RNF130: variants seen among roughly 807,000 people sequenced by gnomAD.
RNF130 encodes the protein E3 ubiquitin-protein ligase RNF130.
RNF130 carries 21 observed loss-of-function variants against 44.6 expected under a neutral mutation model. The ratio of observed to expected loss-of-function variants is 0.47; its 90% CI spans 0.33 to 0.68. The LOEUF (loss-of-function observed/expected upper bound fraction) is 0.68, where lower values mean the gene tolerates loss of function less well. RNF130 is among the 30% of genes least tolerant of loss of function. The probability of loss-of-function intolerance (pLI) is 0.02; values close to 1 mark genes in which losing one functional copy is unlikely to be tolerated. For missense variants in RNF130, 479 were observed against 560.6 expected (o/e 0.85, Z 1.47); for synonymous variants, 214 against 210.4 (o/e 1.02, Z -0.15).
At chr5:179,971,830 G>A (rs1762593774) in intron 5 of RNF130, among the ~76,000 whole-genome samples, 2 of 152,200 alleles carry the variant, frequency 1.3e-5, no homozygotes, top group African/African-American at 4.8e-5. Flanking sequence ...ACTGGGATCT[G>A]GAACAAACAT....
At chr5:180,024,572 T>G (rs565903598) in intron 2 of RNF130, among the ~76,000 whole-genome samples, 1 of 152,146 alleles carries the variant, frequency 6.6e-6, no homozygotes, top group South Asian at 2.1e-4. Flanking sequence ...ACACAAAAAT[T>G]TATACCTGTC....
intron 2 of RNF130, among the ~76,000 whole-genome samples, chr5:180,022,518 A>G (rs1304468250): frequency 1.3e-5 from 2 of 152,232 alleles, no homozygotes; most frequent in Non-Finnish European, 2.9e-5. Flanking sequence ...TTCAGTATCA[A>G]GAGTAGCATG....
At chr5:179,968,685 A>G (rs1762509094) in intron 6 of RNF130, among the ~76,000 whole-genome samples, 1 of 151,818 alleles carries the variant, frequency 6.6e-6, no homozygotes, top group African/African-American at 2.4e-5. Context: ...AAAAAAAAAA[A>G]AAAGAGAGAA....
intron 7 of RNF130, among the ~76,000 whole-genome samples, chr5:179,928,698 G>C (rs1379784886): frequency 6.6e-6 from 1 of 150,814 alleles, no homozygotes; most frequent in South Asian, 2.1e-4. Context: ...GTGCGATCTC[G>C]GCTCACTGCA....
intron 1 of RNF130, among the ~76,000 whole-genome samples, chr5:180,049,733 A>C: frequency 6.6e-6 from 1 of 152,240 alleles, no homozygotes; most frequent in African/African-American, 2.4e-5. Flanking sequence ...GTCTATTTGC[A>C]TATGTATATG....
At chr5:179,974,875 G>A (rs1042313058) in intron 5 of RNF130, among the ~76,000 whole-genome samples, 1 of 152,262 alleles carries the variant, frequency 6.6e-6, no homozygotes, top group Non-Finnish European at 1.5e-5. Context: ...GCAGCAGACG[G>A]CCTCTCCGGC....
intron 8 of RNF130, among the ~76,000 whole-genome samples, chr5:179,957,016 G>GT (rs1194604548): frequency 3.3e-5 from 5 of 152,200 alleles, no homozygotes; most frequent in Non-Finnish European, 7.3e-5. Flanking sequence ...CCTATTTAAG[G>GT]TAACACATTT....
At chr5:179,921,922 G>C (rs1380832807) in intron 7 of RNF130, among the ~76,000 whole-genome samples, 1 of 151,880 alleles carries the variant, frequency 6.6e-6, no homozygotes, top group Non-Finnish European at 1.5e-5. Context: ...TCGGGAGGCT[G>C]AGGCAGGAGA....
chr5:179,952,521 A>G (rs1463266170), downstream of RNF130, among the ~76,000 whole-genome samples: 1 of 152,204 alleles, frequency 6.6e-6, no homozygotes, highest in Non-Finnish European at 1.5e-5. Context: ...TTACAATAAT[A>G]CCAAGGTCAG....
intron 7 of RNF130, among the ~76,000 whole-genome samples, chr5:179,939,111 G>T (rs914972813): frequency 3.3e-5 from 5 of 152,222 alleles, no homozygotes; most frequent in South Asian, 2.1e-4. Flanking sequence ...CAGCTGCTTG[G>T]GGGGCTGAGG....
At chr5:179,978,391 G>T in intron 4 of RNF130, 106 bp from the exon 5 acceptor site, 2 of 729,810 alleles carry the variant, frequency 2.7e-6, no homozygotes, top group Non-Finnish European at 2.3e-6. Flanking sequence ...GTAAGCAAGT[G>T]TTATAAACTG....
intron 3 of RNF130, among the ~76,000 whole-genome samples, chr5:179,992,142 T>C (rs1763096724): frequency 6.6e-6 from 1 of 152,150 alleles, no homozygotes; most frequent in Non-Finnish European, 1.5e-5. Context: ...TAAATCATTG[T>C]TTTTTGCTTT....
intron 2 of RNF130, among the ~76,000 whole-genome samples, chr5:180,023,147 T>C (rs1422521227): frequency 6.6e-6 from 1 of 152,240 alleles, no homozygotes; most frequent in Non-Finnish European, 1.5e-5. Context: ...CAATGATCCA[T>C]GTGGCAATAT....
chr5:180,046,759 T>C lies in RNF130; in HGVS notation c.248-6112A>G, dbSNP rs1764576159. 3.3e-5 allele frequency among the ~76,000 whole-genome samples: 5 copies of C among 150,250 alleles called. No homozygotes were observed. In the South Asian group the frequency reaches 1.0e-3, roughly 31 times the overall value. On this transcript the variant is annotated intron_variant, in intron 1 of 8. Coordinates refer to ENST00000521389, the MANE Select transcript of RNF130 (RefSeq NM_018434.6). Reference sequence around the variant, plus strand: ...TCTCCAGAACGCTTTCCCAGCCTCCTAAGACTGAGTTGGGTGCTTTTTTCA... The same window carrying C: ...TCTCCAGAACGCTTTCCCAGCCTCCCAAGACTGAGTTGGGTGCTTTTTTCA...
intron 7 of RNF130, among the ~76,000 whole-genome samples, chr5:179,935,284 A>G (rs1015804280): frequency 2.6e-5 from 4 of 152,334 alleles, no homozygotes; most frequent in African/African-American, 7.2e-5. Context: ...CATCCAGCAT[A>G]TAAGTCTATC....
At chr5:179,913,020 A>G (rs1246589597) in exon 8 of RNF130, 2 of 152,358 alleles carry the variant, frequency 1.3e-5, no homozygotes, top group African/African-American at 4.8e-5. Context: ...CCAGGCCACC[A>G]TGTGCCGCCA....
At chr5:179,946,156 G>A (rs1762033991) in intron 7 of RNF130, among the ~76,000 whole-genome samples, 1 of 152,180 alleles carries the variant, frequency 6.6e-6, no homozygotes, top group South Asian at 2.1e-4. Context: ...CTACAGTTAC[G>A]GTAAGTATGT....
At chr5:180,038,669 T>C (rs1327701824) in intron 2 of RNF130, among the ~76,000 whole-genome samples, 2 of 152,180 alleles carry the variant, frequency 1.3e-5, no homozygotes, top group Non-Finnish European at 2.9e-5. Context: ...AAATGCTGCA[T>C]TGATACAGGC....
chr5:180,027,974 C>A (rs1443196568), intron 2 of RNF130, among the ~76,000 whole-genome samples: 1 of 152,212 alleles, frequency 6.6e-6, no homozygotes, highest in African/African-American at 2.4e-5. Context: ...CTTTCAAATC[C>A]TCCCGTGTTA....
Sources: gnomAD v4.1 joint callset for allele counts (sites outside exome capture counted in the v4.1 genomes callset) on GRCh38, gnomAD v4.1.1 for gene constraint, MANE v1.5 for transcripts, NCBI Gene and HGNC (gene_info 2026-07-23, HGNC 2026-07-21) for gene names.